SMTNL2: variants seen among roughly 807,000 people sequenced by gnomAD.
The protein encoded by SMTNL2 is smoothelin like 2.
SMTNL2 carries 43 observed loss-of-function variants against 44.1 expected under a neutral mutation model. The ratio of observed to expected loss-of-function variants is 0.98; its 90% confidence interval spans 0.76 to 1.26. The LOEUF is 1.26. Among genes scored for constraint, SMTNL2 ranks in the 50% most tolerant of loss-of-function variants. The pLI, the probability that SMTNL2 is intolerant of heterozygous loss-of-function variation, is 0.00. For missense variants in SMTNL2, 646 were observed against 670.2 expected (o/e 0.96, Z 0.40); for synonymous variants, 317 against 287.6 (o/e 1.10, Z -1.03).
chr17:4,607,618 G>T lies in SMTNL2; in HGVS notation c.*131G>T. 1 of 1,408,768 alleles carries T rather than the reference G, an allele frequency of 7.1e-7. No homozygotes were observed. The allele number at this position is 1,408,768 out of a possible 1,614,324, so 87.3% of individuals were successfully genotyped here. ...GCGCGCTGTTTGTTCTGTGGCATGT[G>T]ACGGCACTCCCCTTCGAGCCCAGCT... is the stretch of plus-strand genomic sequence containing the variant. On this transcript the variant is annotated 3_prime_UTR_variant, in exon 8 of 8. Transcript: ENST00000389313. The surrounding 1 kb of genome is among the most constrained non-coding windows in gnomAD (Gnocchi z 4.7).
rs1597406583 is a variant in SMTNL2, at chr17:4,584,661, G to T, written c.56G>T (p.Arg19Leu). Residue 19 changes from arginine (R) to leucine (L), a missense_variant, in exon 1 of 8, where the codon CGC becomes CTC. Arg to Leu is a moderately radical substitution (Grantham distance 102). Coordinates refer to ENST00000389313, the MANE Select transcript of SMTNL2 (RefSeq NM_001114974.2). ...CGCACTGTGCGCGAGGCGCTGGGCCGCTACGAGGCGGCGCTGGAGGGTGCG... is the reference window on the plus strand; with the variant it reads ...CGCACTGTGCGCGAGGCGCTGGGCCTCTACGAGGCGGCGCTGGAGGGTGCG... ...EARTVREALG[R>L]YEAALEGAVR... 18 of 1,274,688 alleles carry T rather than the reference G, an allele frequency of 1.4e-5. No homozygotes were observed. Among genetic ancestry groups the T allele is most frequent in the South Asian group, 2.6e-5 (1 of 38,016 alleles). The allele number at this position is 1,274,688 out of a possible 1,614,324, so 79.0% of individuals were successfully genotyped here.
In SMTNL2 at chr17:4,600,001, G is replaced by A. The variant is rs1909964886; in HGVS notation, c.1259+2678G>A. Among the ~76,000 whole-genome samples the A allele has an allele frequency of 6.6e-6, 1 of 152,196 alleles. No individual in the cohort carries two copies. The highest frequency in any genetic ancestry group is 2.4e-5 in the African/African-American group (1 of 41,422). Reference sequence around the variant, plus strand: ...TGAGATGAGTTCTTGCTTTTCTGCTGACTCGAGGGCGTGGGGAGGGGCGTC... The same window carrying A: ...TGAGATGAGTTCTTGCTTTTCTGCTAACTCGAGGGCGTGGGGAGGGGCGTC... On this transcript the variant is annotated intron_variant, in intron 7 of 7. Coordinates refer to ENST00000389313, the MANE Select transcript of SMTNL2 (RefSeq NM_001114974.2). The surrounding 1 kb of genome is among the most constrained non-coding windows in gnomAD (Gnocchi z 4.7).
At chr17:4,605,969 A>G (rs1302290846) in intron 7 of SMTNL2, among the ~76,000 whole-genome samples, 1 of 152,208 alleles carries the variant, frequency 6.6e-6, no homozygotes, top group Non-Finnish European at 1.5e-5. Flanking sequence ...TCCCACGTCC[A>G]CGAGGCCTTC....
At chr17:4,604,817 G>T (rs186587528) in intron 7 of SMTNL2, among the ~76,000 whole-genome samples, 1 of 152,046 alleles carries the variant, frequency 6.6e-6, no homozygotes, top group African/African-American at 2.4e-5. Context: ...GATTTCAGGC[G>T]TGCACCACCA....
At chr17:4,584,281 AG>A (rs1331521506), upstream of SMTNL2, among the ~76,000 whole-genome samples, 2 of 152,264 alleles carry the variant, frequency 1.3e-5, no homozygotes, top group East Asian at 1.9e-4. Flanking sequence ...TCTACGGTCC[AG>A]GGGGGCCAGG....
intron 1 of SMTNL2, among the ~76,000 whole-genome samples, chr17:4,586,781 G>C (rs1377559233): frequency 2.0e-5 from 3 of 152,260 alleles, no homozygotes; most frequent in African/African-American, 7.2e-5. Flanking sequence ...GTGTGTAGAG[G>C]GGCTGCCTTG....
In SMTNL2 at chr17:4,592,887, TGCCACA is replaced by T; in HGVS notation, c.488-39_488-34del. On this transcript the variant is annotated intron_variant, in intron 2 of 7. Transcript: ENST00000389313. The surrounding 1 kb of genome is among the most constrained non-coding windows in gnomAD (Gnocchi z 4.5). ...CTGGGAGGTCCCAGGCCCCTGTGGC[TGCCACA>T]GCTGACCACCCACCCATGCTGGTCA... The T allele has an allele frequency of 6.3e-7, 1 of 1,581,322 alleles. No homozygotes were observed. Among genetic ancestry groups the T allele is most frequent in the African/African-American group, 1.3e-5 (1 of 74,584 alleles).
upstream of SMTNL2, chr17:4,584,499 C>A: frequency 1.7e-6 from 2 of 1,168,238 alleles, no homozygotes; most frequent in Non-Finnish European, 2.1e-6. Flanking sequence ...TCCCCGGCAG[C>A]CCCTCGAGCG....
At position 4,592,976 on chromosome 17, in the gene SMTNL2, G is replaced by C. The variant is rs200943030; in HGVS notation, c.535G>C (p.Asp179His). The change falls in exon 3 of 8, where the codon GAT becomes CAT. Residue 179 changes from aspartate to histidine, a missense_variant. Physicochemically the swap from Asp to His is moderately conservative, Grantham distance 81 (BLOSUM62 -1). Transcript: ENST00000389313. This position sits in a 1 kb window ranked among gnomAD's most constrained non-coding sequence, Gnocchi z 4.5. ...GATTGCCCAAAACTTCTCAGCACCA[G>C]ATCCCCCCAGGCCTCGTCCTGTGAG... ...PEIAQNFSAP[D>H]PPRPRPVSLS... The C allele has an allele frequency of 6.2e-7, 1 of 1,613,986 alleles. No homozygotes were observed. The highest frequency in any genetic ancestry group is 1.3e-5 in the African/African-American group (1 of 75,032).
chr17:4,593,220 G>A (rs1352017000), intron 3 of SMTNL2, 49 bp downstream of exon 3: 4 of 1,529,754 alleles, frequency 2.6e-6, no homozygotes, highest in South Asian at 1.3e-5. Flanking sequence ...CTTGGGATGG[G>A]AGAGGGAAGG....
rs960562121 is a variant in SMTNL2 at position 4,592,415 on chromosome 17, T to C, written c.454T>C (p.Cys152Arg). 12 of 1,613,354 alleles carry C rather than the reference T, an allele frequency of 7.4e-6. No homozygotes were observed. The highest frequency in any genetic ancestry group is 6.7e-5 in the East Asian group (3 of 44,860). The change falls in exon 2 of 8, where the codon TGC becomes CGC. Residue 152 changes from cysteine (C) to arginine (R), a missense_variant. Physicochemically the swap from Cys to Arg is radical, Grantham distance 180. Coordinates refer to ENST00000389313, the MANE Select transcript of SMTNL2 (RefSeq NM_001114974.2). The surrounding 1 kb of genome is among the most constrained non-coding windows in gnomAD (Gnocchi z 4.5). ...GGAGATGAGAAAGACCTCAAACTCC[T>C]GCATCATGGAAAATGGGCACCAGCC... is the stretch of plus-strand genomic sequence containing the variant. ...ESEMRKTSNS[C>R]IMENGHQPGA...
In SMTNL2 at chr17:4,605,865, G is replaced by T. The variant is rs138749729; in HGVS notation, c.1260-1496G>T. Among the ~76,000 whole-genome samples, 1,138 of 152,250 alleles carry T rather than the reference G, an allele frequency of 7.5e-3. 20 individuals are homozygous for T. The highest frequency in any genetic ancestry group is 0.026 in the African/African-American group (1,081 of 41,530). On this transcript the variant is annotated intron_variant, in intron 7 of 7. Transcript: ENST00000389313. ...AGCAGAGTCAGAGGAGGCAGGGGGC[G>T]CAGGGCTGGGCATTCCAGAGGCTGT...
intron 7 of SMTNL2, among the ~76,000 whole-genome samples, chr17:4,599,012 T>C (rs1329906283): frequency 6.6e-6 from 1 of 152,150 alleles, no homozygotes; most frequent in Non-Finnish European, 1.5e-5. Context: ...CCAGAGGGTC[T>C]TGTAACCTGC....
Position 4,606,558 on chromosome 17 carries a change from C to T in SMTNL2, c.1260-803C>T, listed in dbSNP as rs536105075. Among the ~76,000 whole-genome samples the T allele has an allele frequency of 6.2e-4, 94 of 152,064 alleles. 1 individual carries two copies. Among genetic ancestry groups the T allele is most frequent in the Middle Eastern group, 6.8e-3 (2 of 294 alleles). On this transcript the variant is annotated intron_variant, in intron 7 of 7. Transcript: ENST00000389313. ...GGGAAGATCGCTTGAGGCAGGCGTT[C>T]AAGACCAGTCTGGGTAACATAGTGA... is the stretch of plus-strand genomic sequence containing the variant.
intron 3 of SMTNL2, 134 bp from the exon 4 acceptor site, chr17:4,593,688 C>T (rs1290918959): frequency 1.2e-6 from 1 of 825,148 alleles, no homozygotes; most frequent in African/African-American, 1.7e-5. Flanking sequence ...GCAGGGCCAG[C>T]TTAGCCCAGA....
chr17:4,590,873 A>G (rs973104664), intron 1 of SMTNL2, among the ~76,000 whole-genome samples: 12 of 152,204 alleles, frequency 7.9e-5, no homozygotes, highest in African/African-American at 2.9e-4. Flanking sequence ...TAAGGCGTCA[A>G]GTACCCAGGG....
Position 4,607,091 on chromosome 17 carries a change from A to C in SMTNL2, c.1260-270A>C, listed in dbSNP as rs1360319119. ...CAGAGCAAGCCCCTGTCTCTAAAAAAAAAACCCAAATTAAATAAAGTAAGT... is the reference window on the plus strand; with the variant it reads ...CAGAGCAAGCCCCTGTCTCTAAAAACAAAACCCAAATTAAATAAAGTAAGT... On this transcript the variant is annotated intron_variant, in intron 7 of 7. Coordinates refer to ENST00000389313, the MANE Select transcript of SMTNL2 (RefSeq NM_001114974.2). The surrounding 1 kb of genome is among the most constrained non-coding windows in gnomAD (Gnocchi z 4.7). Among the ~76,000 whole-genome samples the C allele has an allele frequency of 6.6e-6, 1 of 152,208 alleles. No individual in the cohort carries two copies. The highest frequency in any genetic ancestry group is 1.5e-5 in the Non-Finnish European group (1 of 68,048).
In SMTNL2 at chr17:4,595,166, C is replaced by T. The variant is rs758173659; in HGVS notation, c.828C>T (p.Pro276=). The change falls in exon 5 of 8, where the codon CCC becomes CCT. Residue 276 remains proline (P), a synonymous_variant. Transcript: ENST00000389313. This position sits in a 1 kb window ranked among gnomAD's most constrained non-coding sequence, Gnocchi z 5.1. The part of the protein sequence containing the change: ...HSNSPPLVTP[P]QSPVSPQPPA... ...TCAGCCCACCGCTGGTGACACCACC[C>T]CAGTCGCCCGTGTCCCCGCAGCCGC... is the stretch of plus-strand genomic sequence containing the variant. 3 of 1,613,182 alleles carry T rather than the reference C, an allele frequency of 1.9e-6. No homozygotes were observed. The highest frequency in any genetic ancestry group is 4.5e-5 in the East Asian group (2 of 44,870).
In SMTNL2 at chr17:4,598,546, G is replaced by C. The variant is rs145871990; in HGVS notation, c.1259+1223G>C. ...CCACATTTAAGAGTGGTCCTTGGCCGGGCACGGTGGCTCCCACCTGTAATC... is the reference window on the plus strand; with the variant it reads ...CCACATTTAAGAGTGGTCCTTGGCCCGGCACGGTGGCTCCCACCTGTAATC... On this transcript the variant is annotated intron_variant, in intron 7 of 7. Transcript: ENST00000389313. The surrounding 1 kb of genome is among the most constrained non-coding windows in gnomAD (Gnocchi z 4.8). 1.0e-3 allele frequency among the ~76,000 whole-genome samples: 152 copies of C among 152,260 alleles called. No individual in the cohort carries two copies. The highest frequency in any genetic ancestry group is 3.4e-3 in the Middle Eastern group (1 of 294).
Sources: allele counts gnomAD v4.1 joint callset (sites outside exome capture counted in the v4.1 genomes callset), GRCh38; gene constraint gnomAD v4.1.1; non-coding constraint Gnocchi (gnomAD v3.1); transcripts MANE v1.5; gene names NCBI Gene and HGNC (gene_info 2026-07-23, HGNC 2026-07-21).